The following NBAS variants were observed in gnomAD, a reference collection of about 807,000 sequenced individuals.
The protein encoded by NBAS is NAG/BC035112 fusion.
NBAS carries 219 observed loss-of-function variants against 302.5 expected under a neutral mutation model. The observed-to-expected ratio is 0.72, with a 90% confidence interval of 0.65 to 0.81. The LOEUF (loss-of-function observed/expected upper bound fraction) is 0.81, where lower values mean the gene tolerates loss of function less well. Among genes scored for constraint, NBAS ranks in the 30% least tolerant of loss-of-function variants. The pLI is 0.00. For missense variants in NBAS, 2,932 were observed against 2,841.6 expected, an observed-to-expected ratio of 1.03 and a Z score of -0.72; for synonymous variants, 1,118 against 1,021.6, an observed-to-expected ratio of 1.09 and a Z score of -1.80.
In NBAS at chr2:15,292,622, G is replaced by A. The variant is rs773367951; in HGVS notation, c.4942C>T (p.Leu1648Phe). Residue 1648 changes from leucine to phenylalanine, a missense_variant, in exon 41 of 52, where the codon CTT (leucine) becomes TTT (phenylalanine). By Grantham distance (22) the Leu-to-Phe change is conservative. Coordinates refer to ENST00000281513, the MANE Select transcript of NBAS (RefSeq NM_015909.4). The stretch of plus-strand genomic sequence containing the variant: ...TCCACACCCTTCCGAAGGCCCTGAA[G>A]GATCTGCGCCTGAGTGAAATCCAGG... ...RLLDFTQAQI[L>F]QGLRKGVDVQ... 4.3e-6 allele frequency: 7 copies of A among 1,614,028 alleles called. No homozygotes were observed. The Admixed American group carries it at 6.7e-5, about 15-fold the overall frequency.
the NBAS span, among the ~76,000 whole-genome samples, chr2:15,050,079 T>C: frequency 3.3e-5 from 5 of 152,278 alleles, no homozygotes; most frequent in Admixed American, 2.6e-4. Context: ...TGAACCTCAG[T>C]TGTGTCACCT....
chr2:14,917,781 G>A, the NBAS span, among the ~76,000 whole-genome samples: 2 of 152,276 alleles, frequency 1.3e-5, no homozygotes, highest in South Asian at 4.1e-4. Context: ...AACACCACAT[G>A]TAGTAAAAGT....
chr2:14,820,979 G>A, the NBAS span, among the ~76,000 whole-genome samples: 4 of 151,748 alleles, frequency 2.6e-5, no homozygotes, highest in Non-Finnish European at 4.4e-5. Context: ...GCCCAGGCTG[G>A]AGTGCAGTGG....
At chr2:15,084,112 C>T in the NBAS span, among the ~76,000 whole-genome samples, 2 of 151,972 alleles carry the variant, frequency 1.3e-5, no homozygotes, top group Admixed American at 6.5e-5. Context: ...AGTGTAGTGG[C>T]ATGATCAAGG....
intron 32 of NBAS, among the ~76,000 whole-genome samples, chr2:15,362,327 A>G (rs1223929631): frequency 3.3e-5 from 5 of 149,766 alleles, no homozygotes; most frequent in African/African-American, 1.2e-4. Flanking sequence ...AAAAAAAAAA[A>G]AAGAAAGAAA....
chr2:14,959,580 C>T, the NBAS span, among the ~76,000 whole-genome samples: 2 of 152,350 alleles, frequency 1.3e-5, no homozygotes, highest in South Asian at 2.1e-4. Context: ...ACCTGCCCTC[C>T]ATCCACCATT....
At chr2:14,793,934 G>A in the NBAS span, among the ~76,000 whole-genome samples, 1 of 152,104 alleles carries the variant, frequency 6.6e-6, no homozygotes, top group East Asian at 1.9e-4. Context: ...AATGCTAACT[G>A]TGATCTATAT....
At chr2:15,338,674 TACACACACACAC>T (rs70961409) in intron 35 of NBAS, among the ~76,000 whole-genome samples, 4 of 134,746 alleles carry the variant, frequency 3.0e-5, no homozygotes, top group Non-Finnish European at 4.8e-5. Context: ...AACACACACA[TACACACACACAC>T]ACACACACAC....
At chr2:15,169,908 T>C (rs1336825983) in intron 51 of NBAS, among the ~76,000 whole-genome samples, 1 of 152,236 alleles carries the variant, frequency 6.6e-6, no homozygotes, top group Non-Finnish European at 1.5e-5. Flanking sequence ...GTATGTGTTA[T>C]CTTGGTTCAT....
At chr2:14,814,824 C>A in the NBAS span, among the ~76,000 whole-genome samples, 4 of 152,170 alleles carry the variant, frequency 2.6e-5, no homozygotes, top group East Asian at 1.9e-4. Context: ...TGTCCCCCCC[C>A]AAACTGCATG....
chr2:15,190,459 T>C (rs1237918479), intron 48 of NBAS, 56 bp from the exon 49 acceptor site: 1 of 1,595,414 alleles, frequency 6.3e-7, no homozygotes, highest in Non-Finnish European at 8.6e-7. Context: ...AATTGGTTTA[T>C]AGAATAATTC....
intron 25 of NBAS, among the ~76,000 whole-genome samples, chr2:15,405,833 T>G (rs1676381789): frequency 6.6e-6 from 1 of 152,020 alleles, no homozygotes; most frequent in Non-Finnish European, 1.5e-5. Context: ...AGAGAAAACT[T>G]AAAACTTAGG....
chr2:15,502,756 T>C (rs752369558), intron 11 of NBAS, among the ~76,000 whole-genome samples: 9 of 152,222 alleles, frequency 5.9e-5, no homozygotes, highest in Admixed American at 2.0e-4. Flanking sequence ...TTACTGCACA[T>C]TACTGTAGAC....
the NBAS span, among the ~76,000 whole-genome samples, chr2:14,924,102 T>C: frequency 6.6e-6 from 1 of 151,162 alleles, no homozygotes; most frequent in Non-Finnish European, 1.5e-5. Context: ...ACTCCCAAGA[T>C]TCTACACATA....
intron 35 of NBAS, among the ~76,000 whole-genome samples, chr2:15,335,198 A>C (rs1672526151): frequency 6.8e-6 from 1 of 148,130 alleles, no homozygotes; most frequent in Non-Finnish European, 1.5e-5. Context: ...AAAAAAAAAA[A>C]TTGTTCAAGT....
intron 32 of NBAS, among the ~76,000 whole-genome samples, chr2:15,364,263 T>A (rs140146118): frequency 1.9e-3 from 295 of 152,242 alleles, no homozygotes; most frequent in African/African-American, 6.9e-3. Context: ...CCGGGCACAG[T>A]GGTCACGCCT....
the NBAS span, among the ~76,000 whole-genome samples, chr2:14,945,872 G>A: frequency 1.3e-5 from 2 of 152,206 alleles, no homozygotes; most frequent in African/African-American, 4.8e-5. Flanking sequence ...CTTGAGGCCA[G>A]GAGTTCAAGA....
the NBAS span, among the ~76,000 whole-genome samples, chr2:15,051,331 A>C: frequency 6.6e-6 from 1 of 152,204 alleles, no homozygotes; most frequent in South Asian, 2.1e-4. Flanking sequence ...GGAGCTGGCC[A>C]GGTGAAATGT....
At chr2:15,269,455 GA>G (rs2148037539) in intron 44 of NBAS, among the ~76,000 whole-genome samples, 1 of 152,204 alleles carries the variant, frequency 6.6e-6, no homozygotes, top group South Asian at 2.1e-4. Context: ...TCTTCCAAGT[GA>G]ACAAAGCGAG....
Sources: gnomAD v4.1 joint callset for allele counts (sites outside exome capture counted in the v4.1 genomes callset) on GRCh38, gnomAD v4.1.1 for gene constraint, MANE v1.5 for transcripts, NCBI Gene and HGNC (gene_info 2026-07-23, HGNC 2026-07-21) for gene names.